Variants in MAGI1 observed in about 807,000 individuals in gnomAD.
MAGI1 encodes the protein membrane-associated guanylate kinase, WW and PDZ domain-containing protein 1.
A neutral mutation model predicts 139.9 loss-of-function variants in MAGI1; 58 were observed. The ratio of observed to expected loss-of-function variants is 0.41; its 90% confidence interval spans 0.34 to 0.52. The LOEUF (loss-of-function observed/expected upper bound fraction) is 0.52. Ranked by LOEUF, MAGI1 falls within the 20% of genes least tolerant of loss-of-function variation. The probability of loss-of-function intolerance (pLI) is 0.12; values close to 1 mark genes in which losing one functional copy is unlikely to be tolerated. For synonymous variants in MAGI1, 812 were observed against 737.9 expected (o/e 1.10, Z -1.63); for missense variants, 1,874 against 1,901.6 (o/e 0.99, Z 0.27).
At chr3:65,714,446 A>G (rs1205833609) in intron 1 of MAGI1, among the ~76,000 whole-genome samples, 1 of 152,090 alleles carries the variant, frequency 6.6e-6, no homozygotes, top group African/African-American at 2.4e-5. Flanking sequence ...CTCAGTGTGT[A>G]CAATCTCCAC....
intron 1 of MAGI1, among the ~76,000 whole-genome samples, chr3:65,936,202 A>T (rs1013851808): frequency 1.3e-5 from 2 of 152,210 alleles, no homozygotes; most frequent in Non-Finnish European, 2.9e-5. Context: ...CAGACACAGT[A>T]CCTATGCCAA....
intron 1 of MAGI1, among the ~76,000 whole-genome samples, chr3:65,673,269 T>C (rs968641794): frequency 2.0e-5 from 3 of 152,238 alleles, no homozygotes; most frequent in Non-Finnish European, 4.4e-5. Context: ...GAATTTCTTC[T>C]AATGATCTGG....
chr3:65,745,062 T>C (rs1576978149), intron 1 of MAGI1, among the ~76,000 whole-genome samples: 1 of 152,150 alleles, frequency 6.6e-6, no homozygotes, highest in Non-Finnish European at 1.5e-5. Flanking sequence ...ACAGTGTTGG[T>C]CCTTTTGCAT....
intron 2 of MAGI1, among the ~76,000 whole-genome samples, chr3:65,568,411 T>C (rs952118093): frequency 6.6e-6 from 1 of 152,162 alleles, no homozygotes; most frequent in African/African-American, 2.4e-5. Flanking sequence ...GGTAAAACCT[T>C]AACCATCATC....
At chr3:65,359,432 T>C (rs1373725483) in intron 22 of MAGI1, 2 of 1,198,672 alleles carry the variant, frequency 1.7e-6, no homozygotes, top group Non-Finnish European at 1.0e-6. Flanking sequence ...TTTTGTTTTG[T>C]TTTGTTTTTT....
At position 65,379,535 on chromosome 3, in the gene MAGI1, C is replaced by T; in HGVS notation, c.2721G>A (p.Glu907=). Residue 907 remains glutamate, a synonymous_variant, in exon 17 of 23, where the codon GAG becomes GAA. Coordinates refer to ENST00000402939, the MANE Select transcript of MAGI1 (RefSeq NM_001033057.2). ...VVFAVPKTEN[E]VPSPASSHHS... ...GATGAGAGGAGGCTGGCGAGGGCAC[C>T]TCGTTCTCGGTTTTGGGCACTGTAG... 3 of 1,610,200 alleles carry T rather than the reference C, an allele frequency of 1.9e-6. No individual in the cohort carries two copies. The highest frequency in any genetic ancestry group is 8.5e-7 in the Non-Finnish European group (1 of 1,176,882).
intron 1 of MAGI1, among the ~76,000 whole-genome samples, chr3:65,830,554 A>G (rs2042467742): frequency 6.6e-6 from 1 of 152,184 alleles, no homozygotes; most frequent in Non-Finnish European, 1.5e-5. Flanking sequence ...ACTATTTCAC[A>G]CCAGATTTCC....
At chr3:65,470,827 G>A (rs1950515751) in intron 4 of MAGI1, among the ~76,000 whole-genome samples, 1 of 152,142 alleles carries the variant, frequency 6.6e-6, no homozygotes, top group African/African-American at 2.4e-5. Context: ...AACACAGATG[G>A]ATCTGCACCC....
intron 3 of MAGI1, among the ~76,000 whole-genome samples, chr3:65,484,700 GC>G (rs1307223696): frequency 6.6e-6 from 1 of 151,648 alleles, no homozygotes; most frequent in South Asian, 2.1e-4. Context: ...TGTAAACTGT[GC>G]CCCCTTCCCC....
chr3:65,479,976 G>T (rs1183954609), intron 3 of MAGI1, among the ~76,000 whole-genome samples: 2 of 152,046 alleles, frequency 1.3e-5, no homozygotes, highest in African/African-American at 4.8e-5. Flanking sequence ...GTAAGGCCAG[G>T]AAGACAGGAA....
intron 1 of MAGI1, among the ~76,000 whole-genome samples, chr3:65,842,232 T>G (rs374962475): frequency 2.0e-5 from 3 of 152,186 alleles, no homozygotes; most frequent in Non-Finnish European, 4.4e-5. Flanking sequence ...ACCATCTTTT[T>G]GTAACACTAA....
rs1376799487 is a variant in MAGI1 at position 65,511,183 on chromosome 3, C to A, written c.431-17552G>T. The stretch of plus-strand genomic sequence containing the variant: ...TAAACATGGAAAGGAACAACCGGTA[C>A]CAGCTGCTGCAAAATCATGCCAAAA... On this transcript the variant is annotated intron_variant, in intron 2 of 22. Coordinates refer to ENST00000402939, the MANE Select transcript of MAGI1 (RefSeq NM_001033057.2). Among the ~76,000 whole-genome samples, 1,190 of 150,536 alleles carry A rather than the reference C, an allele frequency of 7.9e-3. 10 individuals carry two copies. The highest frequency in any genetic ancestry group is 0.027 in the African/African-American group (1,127 of 41,310).
intron 3 of MAGI1, among the ~76,000 whole-genome samples, chr3:65,481,934 T>A (rs1478931881): frequency 1.3e-5 from 2 of 152,250 alleles, no homozygotes; most frequent in Admixed American, 6.5e-5. Flanking sequence ...TTGTTCACAA[T>A]GGTTTCCTGT....
intron 1 of MAGI1, among the ~76,000 whole-genome samples, chr3:65,822,440 A>G (rs1381128454): frequency 6.6e-6 from 1 of 152,122 alleles, no homozygotes; most frequent in Non-Finnish European, 1.5e-5. Context: ...AGCCAGAAAA[A>G]TCACTTGAAC....
At chr3:65,803,263 T>C (rs550507417) in intron 1 of MAGI1, among the ~76,000 whole-genome samples, 1 of 152,266 alleles carries the variant, frequency 6.6e-6, no homozygotes, top group Non-Finnish European at 1.5e-5. Context: ...TTTAACACTG[T>C]TTGGACTAAA....
At chr3:65,812,699 C>CTTTTTTTTTTTT (rs539502538) in intron 1 of MAGI1, among the ~76,000 whole-genome samples, 2 of 72,890 alleles carry the variant, frequency 2.7e-5, no homozygotes, top group Non-Finnish European at 4.9e-5. Context: ...AGTTAGTTTA[C>CTTTTTTTTTTTT]TTTTTTTTTT....
intron 1 of MAGI1, among the ~76,000 whole-genome samples, chr3:65,867,965 GATCT>G (rs1200967453): frequency 6.6e-6 from 1 of 152,134 alleles, no homozygotes; most frequent in Non-Finnish European, 1.5e-5. Context: ...TGTAACCACT[GATCT>G]ATCAGGAATC....
chr3:65,650,209 A>C (rs1360563411), intron 1 of MAGI1, among the ~76,000 whole-genome samples: 2 of 152,062 alleles, frequency 1.3e-5, no homozygotes, highest in Non-Finnish European at 2.9e-5. Context: ...AGGCCTCTTG[A>C]CCCTGGACTT....
At chr3:65,911,500 C>A (rs910985882) in intron 1 of MAGI1, among the ~76,000 whole-genome samples, 2 of 152,074 alleles carry the variant, frequency 1.3e-5, no homozygotes, top group South Asian at 2.1e-4. Context: ...TTGTTCACAA[C>A]AAATTTATTT....
Sources: gnomAD v4.1 joint callset for allele counts (sites outside exome capture counted in the v4.1 genomes callset) on GRCh38, gnomAD v4.1.1 for gene constraint, MANE v1.5 for transcripts, NCBI Gene and HGNC (gene_info 2026-07-23, HGNC 2026-07-21) for gene names.